Variants in CCDC33 observed in about 807,000 individuals in gnomAD.
CCDC33 encodes coiled-coil domain-containing protein 33.
CCDC33 carries 94 observed loss-of-function variants against 91.9 expected under a neutral mutation model. The ratio of observed to expected loss-of-function variants is 1.02; its 90% confidence interval spans 0.87 to 1.21. The LOEUF (loss-of-function observed/expected upper bound fraction) is 1.21, where lower values mean the gene tolerates loss of function less well. Among genes scored for constraint, CCDC33 ranks in the 50% most tolerant of loss-of-function variants. CCDC33 has a pLI of 0.00. For missense variants in CCDC33, 940 were observed against 935.5 expected, an observed-to-expected ratio of 1.00 and a Z score of -0.06; for synonymous variants, 396 against 374.5, an observed-to-expected ratio of 1.06 and a Z score of -0.66.
At chr15:74,298,084 G>A (rs1272386273) in intron 11 of CCDC33, among the ~76,000 whole-genome samples, 9 of 152,228 alleles carry the variant, frequency 5.9e-5, no homozygotes, top group South Asian at 2.1e-4. Context: ...GCAGTCCTTC[G>A]TTTGGAGTCT....
chr15:74,282,074 C>G (rs537493443), intron 10 of CCDC33, among the ~76,000 whole-genome samples: 8 of 152,294 alleles, frequency 5.3e-5, no homozygotes, highest in African/African-American at 1.9e-4. Context: ...TTGGAGTCAG[C>G]CTCTGACCAA....
intron 1 of CCDC33, among the ~76,000 whole-genome samples, chr15:74,207,223 A>G (rs989579537): frequency 3.9e-5 from 6 of 152,246 alleles, no homozygotes; most frequent in Non-Finnish European, 8.8e-5. Flanking sequence ...GAAGAAGCTA[A>G]CAGCAGGCCA....
chr15:74,222,994 A>G (rs1157290939), intron 2 of CCDC33, among the ~76,000 whole-genome samples: 1 of 151,496 alleles, frequency 6.6e-6, no homozygotes, highest in Non-Finnish European at 1.5e-5. Flanking sequence ...ATTGCCCTGG[A>G]GACTGGAATG....
chr15:74,256,845 C>G lies in CCDC33; in HGVS notation c.186-5595C>G, dbSNP rs537208479. Reference sequence around the variant, plus strand: ...CATCACAAAGCTCTGTGGGCTGTGGCTTTCTCCTTGTCCGCCATGGGTGGA... The same window carrying G: ...CATCACAAAGCTCTGTGGGCTGTGGGTTTCTCCTTGTCCGCCATGGGTGGA... On this transcript the variant is annotated intron_variant, in intron 2 of 18. Coordinates refer to ENST00000398814, the MANE Select transcript of CCDC33 (RefSeq NM_025055.5). Among the ~76,000 whole-genome samples, 10 of 152,376 alleles carry G rather than the reference C, an allele frequency of 6.6e-5. No individual in the cohort carries two copies. In the South Asian group the frequency reaches 2.1e-3, roughly 32 times the overall value.
At chr15:74,225,155 T>A (rs189662435) in intron 2 of CCDC33, among the ~76,000 whole-genome samples, 21 of 143,296 alleles carry the variant, frequency 1.5e-4, no homozygotes, top group East Asian at 8.5e-4. Flanking sequence ...TGTGTGTGTG[T>A]GACAGAGAAT....
intron 2 of CCDC33, among the ~76,000 whole-genome samples, chr15:74,245,283 G>GC (rs1005636153): frequency 3.3e-5 from 5 of 152,100 alleles, no homozygotes; most frequent in Admixed American, 1.3e-4. Flanking sequence ...ATAAGTCCCT[G>GC]CCCCCCCAGG....
At chr15:74,246,724 G>A (rs534447400) in intron 2 of CCDC33, among the ~76,000 whole-genome samples, 2 of 152,312 alleles carry the variant, frequency 1.3e-5, no homozygotes, top group South Asian at 2.1e-4. Flanking sequence ...GTGGGAATAC[G>A]CAGTAAAATG....
chr15:74,314,719 G>A (rs1278972817), intron 11 of CCDC33, among the ~76,000 whole-genome samples: 2 of 152,226 alleles, frequency 1.3e-5, no homozygotes, highest in African/African-American at 4.8e-5. Context: ...GAGGGGTACA[G>A]TTCCATTTGT....
chr15:74,260,201 G>A (rs2075984382), intron 2 of CCDC33, among the ~76,000 whole-genome samples: 1 of 152,186 alleles, frequency 6.6e-6, no homozygotes, highest in Admixed American at 6.5e-5. Flanking sequence ...GTCAAGCATG[G>A]TCACAGAGCC....
intron 2 of CCDC33, among the ~76,000 whole-genome samples, chr15:74,245,288 C>T (rs963040512): frequency 6.6e-6 from 1 of 152,340 alleles, no homozygotes; most frequent in African/African-American, 2.4e-5. Flanking sequence ...TCCCTGCCCC[C>T]CCAGGGCCCC....
rs1567029724 is a variant in CCDC33, at chr15:74,318,445, A to AC, written c.1291-11738dup. 4 of 505,856 alleles carry AC rather than the reference A, an allele frequency of 7.9e-6. No individual in the cohort carries two copies. In the East Asian group the frequency reaches 1.2e-4, roughly 15 times the overall value. 31.3% of individuals were successfully genotyped at this position (505,856 alleles called of 1,614,324 possible). ...ATGATTTCAGCCACCCCACCCAGACACCCCCCACCCTGGAACAAAGGGGAA... is the reference window on the plus strand; with the variant it reads ...ATGATTTCAGCCACCCCACCCAGACACCCCCCCACCCTGGAACAAAGGGGAA... On this transcript the variant is annotated intron_variant, in intron 11 of 18. Transcript: ENST00000398814.
chr15:74,328,759 G>T (rs768719839), intron 11 of CCDC33, among the ~76,000 whole-genome samples: 1 of 152,226 alleles, frequency 6.6e-6, no homozygotes, highest in Non-Finnish European at 1.5e-5. Flanking sequence ...GCAGGTGGGA[G>T]GCAGTGGCTG....
rs2060406780 is a variant in CCDC33, at chr15:74,330,432, G to A, written c.1456+78G>A. ...TCCAGGTTGTGCAATAGGGTGGCTG[G>A]GAGCTTCTCCCAGATGTGCATGCTG... On this transcript the variant is annotated intron_variant, in intron 12 of 18. Transcript: ENST00000398814. 6 of 1,441,994 alleles carry A rather than the reference G, an allele frequency of 4.2e-6. No homozygotes were observed. In the African/African-American group the frequency reaches 7.1e-5, roughly 17 times the overall value. 89.3% of individuals were successfully genotyped at this position (1,441,994 alleles called of 1,614,324 possible).
chr15:74,330,265 T>C lies in CCDC33; in HGVS notation c.1367T>C (p.Leu456Pro), dbSNP rs767669055. Reference protein sequence around the residue: ...ILSLRRQASILEGENRILRSR... With the variant: ...ILSLRRQASIPEGENRILRSR... ...TCTCTGCGGAGACAGGCCAGCATCCTGGAAGGAGAGAACCGCATACTGAGG... is the reference window on the plus strand; with the variant it reads ...TCTCTGCGGAGACAGGCCAGCATCCCGGAAGGAGAGAACCGCATACTGAGG... Residue 456 changes from leucine to proline, a missense_variant, in exon 12 of 19, where the codon CTG becomes CCG. Physicochemically the swap from Leu to Pro is moderately conservative, Grantham distance 98. Transcript: ENST00000398814. 6.2e-7 allele frequency: 1 copy of C among 1,612,804 alleles called. No individual in the cohort carries two copies. Among genetic ancestry groups the C allele is most frequent in the South Asian group, 1.1e-5 (1 of 91,012 alleles).
rs771274089 is a variant in CCDC33, at chr15:74,332,689, GCT to G, written c.1786_1787del (p.Ala597LeufsTer15). 6.2e-7 allele frequency: 1 copy of G among 1,614,134 alleles called. No individual in the cohort carries two copies. Among genetic ancestry groups the G allele is most frequent in the Non-Finnish European group, 8.5e-7 (1 of 1,179,984 alleles). ...QGKPYTGFPM[L>X]SASGLPLGSM... ...TGGCCGTGTCTCTAGGCTTCCCTAT[GCT>G]CTCAGCCTCTGGCCTTCCCTTGGGT... On this transcript the variant is annotated frameshift_variant, in exon 16 of 19. Transcript: ENST00000398814. LOFTEE classifies it high-confidence loss of function.
intron 17 of CCDC33, 72 bp from the exon 18 acceptor site, chr15:74,334,903 C>T: frequency 8.0e-7 from 1 of 1,254,668 alleles, no homozygotes; most frequent in South Asian, 1.2e-5. Flanking sequence ...GGCTCAGGCC[C>T]TGGTTGTCCT....
chr15:74,242,124 C>T (rs1422897114), intron 1 of CCDC33, among the ~76,000 whole-genome samples: 1 of 152,224 alleles, frequency 6.6e-6, no homozygotes, highest in Non-Finnish European at 1.5e-5. Flanking sequence ...GTGCCCTTTT[C>T]TTTCTGTCTG....
intron 2 of CCDC33, among the ~76,000 whole-genome samples, chr15:74,226,008 C>T (rs2074783578): frequency 6.6e-6 from 1 of 152,216 alleles, no homozygotes; most frequent in Non-Finnish European, 1.5e-5. Context: ...CTGGACCTGA[C>T]AGCCTGCCCT....
upstream of CCDC33, among the ~76,000 whole-genome samples, chr15:74,214,328 G>A (rs150308194): frequency 1.6e-4 from 25 of 152,188 alleles, no homozygotes; most frequent in South Asian, 4.6e-3. Flanking sequence ...TTGGAAGTTC[G>A]CCTTCCAAGG....
Sources: allele counts gnomAD v4.1 joint callset (sites outside exome capture counted in the v4.1 genomes callset), GRCh38; gene constraint gnomAD v4.1.1; transcripts MANE v1.5; gene names NCBI Gene and HGNC (gene_info 2026-07-23, HGNC 2026-07-21).